Variants in AMPD3 observed in about 807,000 individuals in gnomAD.
AMPD3 encodes the protein AMP deaminase 3.
AMPD3 carries 57 observed loss-of-function variants against 82.3 expected under a neutral mutation model. That is an observed-to-expected ratio of 0.69 (90% CI 0.56 to 0.86). The LOEUF (loss-of-function observed/expected upper bound fraction) is 0.86. Ranked by LOEUF, AMPD3 falls within the 40% of genes least tolerant of loss-of-function variation. The pLI, the probability that AMPD3 is intolerant of heterozygous loss-of-function variation, is 0.00. For synonymous variants in AMPD3, 381 were observed against 394.7 expected (o/e 0.97, Z 0.41); for missense variants, 870 against 1,003.8 (o/e 0.87, Z 1.80).
At chr11:10,460,807 A>G (rs1282816842) in intron 1 of AMPD3, 36 of 793,052 alleles carry the variant, frequency 4.5e-5, no homozygotes, top group Non-Finnish European at 5.5e-5. Context: ...CAACCAACCA[A>G]GCAGGTGGTT....
rs535359900 is a variant in AMPD3 at position 10,504,010 on chromosome 11, C to T, written c.2017-539C>T. ...ACATCCCAGAAGGGAAGCAAAACCA[C>T]AGCTCAAACCCAGATCATTCTGGGA... On this transcript the variant is annotated intron_variant, in intron 13 of 14. Coordinates refer to ENST00000396553, the MANE Select transcript of AMPD3 (RefSeq NM_001025389.2). 1.0e-4 allele frequency: 103 copies of T among 985,320 alleles called. 1 individual carries two copies. In the African/African-American group the frequency reaches 1.7e-3, roughly 16 times the overall value. 61.0% of individuals were successfully genotyped at this position (985,320 alleles called of 1,614,324 possible). A position where few individuals can be genotyped will look rare whatever the true frequency, so the allele number is the denominator to read the frequency against.
At chr11:10,450,556 G>C, upstream of AMPD3, 1 of 986,576 alleles carries the variant, frequency 1.0e-6, no homozygotes, top group Non-Finnish European at 1.2e-6. Flanking sequence ...GAAGCCCGGC[G>C]GGGCCAGCGC....
upstream of AMPD3, among the ~76,000 whole-genome samples, chr11:10,451,557 G>C (rs1847964096): frequency 6.6e-6 from 1 of 152,238 alleles, no homozygotes; most frequent in Non-Finnish European, 1.5e-5. Flanking sequence ...TCTGGTAGCT[G>C]CTTTGCCAGC....
intron 3 of AMPD3, among the ~76,000 whole-genome samples, chr11:10,480,702 A>T (rs753633837): frequency 1.3e-5 from 2 of 152,182 alleles, no homozygotes; most frequent in African/African-American, 4.8e-5. Context: ...GCTAAATATT[A>T]TTGTCAGCTC....
chr11:10,500,463 C>A, intron 11 of AMPD3: 2 of 576,958 alleles, frequency 3.5e-6, no homozygotes, highest in South Asian at 1.5e-4. Context: ...GCAAACATGC[C>A]CACCATAACA....
At chr11:10,473,702 G>C (rs1848657962) in intron 2 of AMPD3, 2 of 704,332 alleles carry the variant, frequency 2.8e-6, no homozygotes, top group African/African-American at 1.9e-5. Flanking sequence ...TATTTCTCCA[G>C]ATAGGCTGGG....
intron 10 of AMPD3, chr11:10,499,821 A>G: frequency 1.0e-6 from 1 of 985,288 alleles, no homozygotes; most frequent in Non-Finnish European, 1.2e-6. Context: ...CTCCACTGTC[A>G]CCACCACCAC....
intron 4 of AMPD3, chr11:10,484,171 A>C (rs7124537): frequency 0.095 from 83,802 of 877,930 alleles, 4,224 homozygotes; most frequent in African/African-American, 0.16. Context: ...GAGTTTGCTG[A>C]AAGTCTCACA....
intron 1 of AMPD3, among the ~76,000 whole-genome samples, chr11:10,460,076 A>G (rs979577151): frequency 1.4e-5 from 2 of 143,884 alleles, no homozygotes; most frequent in Admixed American, 7.0e-5. Context: ...TATATATAAT[A>G]TATATTTTAT....
chr11:10,481,899 T>C, intron 3 of AMPD3, 164 bp from the exon 4 acceptor site: 2 of 801,278 alleles, frequency 2.5e-6, no homozygotes, highest in South Asian at 1.4e-5. Flanking sequence ...ACAAGTAGTT[T>C]AGGTGCAATG....
intron 3 of AMPD3, among the ~76,000 whole-genome samples, chr11:10,480,568 C>T (rs1213689175): frequency 2.2e-5 from 3 of 136,960 alleles, no homozygotes; most frequent in African/African-American, 5.0e-5. Flanking sequence ...AGTATAAAAA[C>T]ATGCATAGGA....
chr11:10,502,022 C>A, intron 12 of AMPD3: 1 of 985,386 alleles, frequency 1.0e-6, no homozygotes, highest in African/African-American at 1.7e-5. Context: ...GAAGGGTCTG[C>A]CACTTTGTCT....
At chr11:10,458,481 T>C (rs1451367680) in intron 1 of AMPD3, among the ~76,000 whole-genome samples, 1 of 152,182 alleles carries the variant, frequency 6.6e-6, no homozygotes, top group Non-Finnish European at 1.5e-5. Flanking sequence ...CAAAATAAAA[T>C]ATCCTCTCAC....
At chr11:10,455,116 G>A (rs189460177), upstream of AMPD3, 3 of 985,016 alleles carry the variant, frequency 3.0e-6, no homozygotes, top group East Asian at 2.3e-4. Context: ...CTAGCCTCCC[G>A]GTAAACAACT....
Position 10,499,700 on chromosome 11 carries a change from G to A in AMPD3, c.1558-386G>A, listed in dbSNP as rs115960902. The stretch of plus-strand genomic sequence containing the variant: ...CTAGGACCCTTTTCCCTCATCGCTT[G>A]TCGCTGCTGCTGATGGCAATGGCCA... On this transcript the variant is annotated intron_variant, in intron 10 of 14. Coordinates refer to ENST00000396553, the MANE Select transcript of AMPD3 (RefSeq NM_001025389.2). The A allele has an allele frequency of 6.6e-4, 647 of 985,336 alleles. 3 individuals carry two copies. In the African/African-American group the frequency reaches 0.011, roughly 16 times the overall value. The allele number at this position is 985,336 out of a possible 1,614,324, so 61.0% of individuals were successfully genotyped here. A position where few individuals can be genotyped will look rare whatever the true frequency, so the allele number is the denominator to read the frequency against.
At chr11:10,473,472 G>A in intron 2 of AMPD3, 1 of 985,308 alleles carries the variant, frequency 1.0e-6, no homozygotes, top group Non-Finnish European at 1.2e-6. Context: ...GTGGGGAAGG[G>A]AGGATGGAGA....
chr11:10,493,789 G>GAT, intron 7 of AMPD3: 1 of 581,414 alleles, frequency 1.7e-6, no homozygotes, highest in Non-Finnish European at 3.1e-6. Context: ...TGCCACTTAG[G>GAT]AGTTTTGTGC....
chr11:10,502,272 C>T, intron 12 of AMPD3: 2 of 985,416 alleles, frequency 2.0e-6, no homozygotes, highest in Non-Finnish European at 2.4e-6. Context: ...GTCCACCCCT[C>T]CCATCCCTTC....
intron 10 of AMPD3, 98 bp downstream of exon 10, chr11:10,497,036 G>A: frequency 6.8e-7 from 1 of 1,471,084 alleles, no homozygotes; most frequent in African/African-American, 1.4e-5. Context: ...CTTCACGATG[G>A]TATCTTAGGT....
Sources: gnomAD v4.1 joint callset for allele counts (sites outside exome capture counted in the v4.1 genomes callset) on GRCh38, gnomAD v4.1.1 for gene constraint, MANE v1.5 for transcripts, NCBI Gene and HGNC (gene_info 2026-07-23, HGNC 2026-07-21) for gene names.